The following GBF1 variants were observed in gnomAD, a reference collection of about 807,000 sequenced individuals.
GBF1 encodes Golgi-specific brefeldin A-resistance guanine nucleotide exchange factor 1.
GBF1 carries 114 observed loss-of-function variants against 210.5 expected under a neutral mutation model. That is an observed-to-expected ratio of 0.54 (90% CI 0.47 to 0.63). The LOEUF (loss-of-function observed/expected upper bound fraction) is 0.63, where lower values mean the gene tolerates loss of function less well. Ranked by LOEUF, GBF1 falls within the 30% of genes least tolerant of loss-of-function variation. The probability of loss-of-function intolerance (pLI) is 0.00; values close to 1 mark genes in which losing one functional copy is unlikely to be tolerated. For synonymous variants in GBF1, 850 were observed against 889.2 expected (o/e 0.96, Z 0.78); for missense variants, 1,851 against 2,357.7 (o/e 0.79, Z 4.45).
chr10:102,254,192 T>G (rs1210731366), intron 1 of GBF1, among the ~76,000 whole-genome samples: 1 of 152,192 alleles, frequency 6.6e-6, no homozygotes, highest in East Asian at 1.9e-4. Flanking sequence ...GAGGTTTTGC[T>G]TTTTGTTTCT....
intron 10 of GBF1, chr10:102,359,018 A>T: frequency 1.7e-6 from 1 of 588,580 alleles, no homozygotes; most frequent in Non-Finnish European, 3.0e-6. Flanking sequence ...TCCAAATCCT[A>T]AGCCTGTGAG....
At position 102,370,775 on chromosome 10, in the gene GBF1, AT is replaced by A; in HGVS notation, c.3578del (p.Phe1193SerfsTer38). 1 of 1,614,050 alleles carries A rather than the reference AT, an allele frequency of 6.2e-7. No homozygotes were observed. Among genetic ancestry groups the A allele is most frequent in the Non-Finnish European group, 8.5e-7 (1 of 1,179,910 alleles). On this transcript the variant is annotated frameshift_variant, in exon 29 of 40. Coordinates refer to ENST00000369983, the MANE Select transcript of GBF1 (RefSeq NM_001377137.1). LOFTEE classifies it high-confidence loss of function. ...HLYHLCVQAQDFCFLVERAVV... is the reference protein window; with the variant it reads ...HLYHLCVQAQXFCFLVERAVV... ...TACCACCTCTGTGTTCAGGCACAAGATTTCTGCTTCCTTGTGGAGCGGGCAG... is the reference window on the plus strand; with the variant it reads ...TACCACCTCTGTGTTCAGGCACAAGATTCTGCTTCCTTGTGGAGCGGGCAG...
chr10:102,252,197 G>C (rs2071627829), intron 1 of GBF1, among the ~76,000 whole-genome samples: 1 of 151,958 alleles, frequency 6.6e-6, no homozygotes, highest in South Asian at 2.1e-4. Flanking sequence ...AAATTGGCCC[G>C]GCATGGTGGC....
intron 3 of GBF1, among the ~76,000 whole-genome samples, chr10:102,303,883 C>T (rs1346077711): frequency 6.6e-6 from 1 of 151,976 alleles, no homozygotes; most frequent in Non-Finnish European, 1.5e-5. Flanking sequence ...ATTATCAAGC[C>T]GAGGAGGTAG....
intron 3 of GBF1, among the ~76,000 whole-genome samples, chr10:102,290,676 T>C (rs2076360669): frequency 6.6e-6 from 1 of 152,056 alleles, no homozygotes; most frequent in East Asian, 1.9e-4. Context: ...TTTCTATATA[T>C]TAATATTTTG....
Position 102,380,627 on chromosome 10 carries a change from G to A in GBF1, c.5114G>A (p.Arg1705His), listed in dbSNP as rs1482283229. The A allele has an allele frequency of 6.2e-6, 10 of 1,613,856 alleles. No individual in the cohort carries two copies. Among genetic ancestry groups the A allele is most frequent in the East Asian group, 4.5e-5 (2 of 44,874 alleles). ...PSALWEITWE[R>H]IDCFLPHLRD... ...GCCCTCTGGGAGATCACCTGGGAAC[G>A]CATTGACTGTTTTCTCCCTCACCTA... Residue 1705 changes from arginine (R) to histidine (H), a missense_variant, in exon 38 of 40, where the codon CGC becomes CAC. Transcript: ENST00000369983.
rs780098079 is a variant in GBF1 at position 102,379,964 on chromosome 10, AC to A, written c.4878+12del. 1 of 1,516,598 alleles carries A rather than the reference AC, an allele frequency of 6.6e-7. No homozygotes were observed. Among genetic ancestry groups the A allele is most frequent in the South Asian group, 1.1e-5 (1 of 87,996 alleles). 93.9% of individuals were successfully genotyped at this position (1,516,598 alleles called of 1,614,324 possible). The stretch of plus-strand genomic sequence containing the variant: ...CACATTGCTCTCTAAGGTACTGCTC[AC>A]CACCCTATACCCACCCTCTCTCCCA... On this transcript the variant is annotated intron_variant, in intron 36 of 39. Coordinates refer to ENST00000369983, the MANE Select transcript of GBF1 (RefSeq NM_001377137.1).
intron 11 of GBF1, 70 bp from the exon 12 acceptor site, chr10:102,360,114 G>C (rs57313178): frequency 2.1e-6 from 2 of 968,418 alleles, no homozygotes; most frequent in African/African-American, 1.6e-5. Context: ...GTGTAATGCA[G>C]AGCAGGCTAG....
intron 3 of GBF1, among the ~76,000 whole-genome samples, chr10:102,325,108 T>C (rs959690055): frequency 9.2e-5 from 14 of 152,330 alleles, no homozygotes; most frequent in African/African-American, 3.4e-4. Flanking sequence ...TGTTGGGTGT[T>C]TGCCATGGTA....
chr10:102,380,360 C>T lies in GBF1; in HGVS notation c.4990C>T (p.Leu1664=). The T allele has an allele frequency of 1.2e-6, 2 of 1,607,848 alleles. No homozygotes were observed. Among genetic ancestry groups the T allele is most frequent in the Middle Eastern group, 1.7e-4 (1 of 6,052 alleles). The change falls in exon 37 of 40, where the codon CTG becomes TTG. Residue 1664 remains leucine, a splice_region_variant and synonymous_variant. Coordinates refer to ENST00000369983, the MANE Select transcript of GBF1 (RefSeq NM_001377137.1). ...KYMHAGSSDL[L]SEAIPESLKN... is the part of the protein sequence containing the mutation. ...CATGCACGCAGGCTCCAGCGACTTA[C>T]TGGTATGTTCTACCTCAGCTCTGCT...
chr10:102,322,377 C>T (rs2056480528), intron 3 of GBF1, among the ~76,000 whole-genome samples: 1 of 152,174 alleles, frequency 6.6e-6, no homozygotes, highest in Non-Finnish European at 1.5e-5. Flanking sequence ...CAAGACTTCT[C>T]TGGTGACCTT....
chr10:102,235,908 C>G, the GBF1 span, among the ~76,000 whole-genome samples: 1 of 152,158 alleles, frequency 6.6e-6, no homozygotes. Context: ...GCAGAGTAAC[C>G]CAAGCTGGGA....
At chr10:102,315,506 C>T (rs903321047) in intron 3 of GBF1, among the ~76,000 whole-genome samples, 1 of 152,164 alleles carries the variant, frequency 6.6e-6, no homozygotes, top group African/African-American at 2.4e-5. Flanking sequence ...CATTTTTCCA[C>T]AGACAGTGGG....
chr10:102,265,536 A>T (rs370349403), intron 3 of GBF1, among the ~76,000 whole-genome samples: 4 of 152,092 alleles, frequency 2.6e-5, no homozygotes, highest in Admixed American at 1.3e-4. Context: ...AAAATAAAAA[A>T]AATTAGTTGG....
chr10:102,280,828 A>G (rs188057914), intron 3 of GBF1, among the ~76,000 whole-genome samples: 2 of 152,322 alleles, frequency 1.3e-5, no homozygotes, highest in East Asian at 1.9e-4. Context: ...GAAGTATATC[A>G]TCGGCAGATT....
chr10:102,370,007 T>A, intron 26 of GBF1, 23 bp downstream of exon 26: 1 of 1,613,588 alleles, frequency 6.2e-7, no homozygotes, highest in Non-Finnish European at 8.5e-7. Context: ...CCACCCCTGG[T>A]GAGAAAGCCT....
At chr10:102,314,674 G>A (rs1018501462) in intron 3 of GBF1, among the ~76,000 whole-genome samples, 3 of 152,144 alleles carry the variant, frequency 2.0e-5, no homozygotes, top group Admixed American at 1.3e-4. Context: ...GAGTAGCCAT[G>A]CCTGCCATAT....
At position 102,366,373 on chromosome 10, in the gene GBF1, T is replaced by G; in HGVS notation, c.2310-10T>G. ...CATTTTCAGCCTCTTCTTCCTTTCT[T>G]TCCCTATAGCACCTTCAGTTTTCAG... On this transcript the variant is annotated splice_polypyrimidine_tract_variant and intron_variant, in intron 18 of 39. Transcript: ENST00000369983. This position sits in a 1 kb window ranked among gnomAD's most constrained non-coding sequence, Gnocchi z 4.0. 1 of 1,613,904 alleles carries G rather than the reference T, an allele frequency of 6.2e-7. No individual in the cohort carries two copies. Among genetic ancestry groups the G allele is most frequent in the Non-Finnish European group, 8.5e-7 (1 of 1,179,836 alleles).
At chr10:102,322,646 C>A (rs1385984633) in intron 3 of GBF1, among the ~76,000 whole-genome samples, 1 of 142,974 alleles carries the variant, frequency 7.0e-6, no homozygotes, top group Non-Finnish European at 1.5e-5. Context: ...CTTTGGGAGG[C>A]CGAGGCAGGA....
Sources: allele counts gnomAD v4.1 joint callset (sites outside exome capture counted in the v4.1 genomes callset), GRCh38; gene constraint gnomAD v4.1.1; non-coding constraint Gnocchi (gnomAD v3.1); transcripts MANE v1.5; gene names NCBI Gene and HGNC (gene_info 2026-07-23, HGNC 2026-07-21).